The following NARF variants were observed in gnomAD, a reference collection of about 807,000 sequenced individuals.
The protein encoded by NARF is iron-only hydrogenase-like protein 2.
A neutral mutation model predicts 48.0 loss-of-function variants in NARF; 41 were observed. The ratio of observed to expected loss-of-function variants is 0.85; its 90% confidence interval spans 0.66 to 1.11. NARF has a LOEUF of 1.11. Among genes scored for constraint, NARF ranks in the 50% least tolerant of loss-of-function variants. The pLI is 0.00. For synonymous variants in NARF, 215 were observed against 225.5 expected, an observed-to-expected ratio of 0.95 and a Z score of 0.42; for missense variants, 613 against 590.2, an observed-to-expected ratio of 1.04 and a Z score of -0.40.
At chr17:82,472,821 G>A (rs2043744024) in intron 5 of NARF, 123 bp downstream of exon 5, 1 of 1,257,356 alleles carries the variant, frequency 8.0e-7, no homozygotes, top group East Asian at 2.7e-5. Context: ...TAGACCAGGA[G>A]GGAAGAGCTT....
rs141417250 is a variant in NARF, at chr17:82,473,122, G to A, written c.520+424G>A. 2.0e-3 allele frequency among the ~76,000 whole-genome samples: 300 copies of A among 151,814 alleles called. 3 individuals are homozygous for A. Among genetic ancestry groups the A allele is most frequent in the African/African-American group, 7.1e-3 (292 of 41,394 alleles). On this transcript the variant is annotated intron_variant, in intron 5 of 10. Transcript: ENST00000309794. The stretch of plus-strand genomic sequence containing the variant: ...CACCCAACTAATTATTGTATTATTA[G>A]TGGAGATGGGGTTTTGCCATATTGG...
Position 82,489,623 on chromosome 17 carries a change from CA to C in NARF, c.*1467del, listed in dbSNP as rs1177074813. On this transcript the variant is annotated 3_prime_UTR_variant, in exon 11 of 11. Transcript: ENST00000309794. ...GGTTTCTTCTCACACGGCCCTGGCC[CA>C]TCCACTCGCCATGAAGCCCTCTGTG... 1 of 152,362 alleles carries C rather than the reference CA, an allele frequency of 6.6e-6. No homozygotes were observed. The highest frequency in any genetic ancestry group is 1.5e-5 in the Non-Finnish European group (1 of 68,160). 9.4% of individuals were successfully genotyped at this position (152,362 alleles called of 1,614,324 possible). A position where few individuals can be genotyped will look rare whatever the true frequency, so the allele number is the denominator to read the frequency against.
chr17:82,471,100 T>A (rs2043689158), intron 4 of NARF, among the ~76,000 whole-genome samples: 1 of 149,946 alleles, frequency 6.7e-6, no homozygotes, highest in Non-Finnish European at 1.5e-5. Context: ...GAAGCAGAGG[T>A]TTGCGGTGAG....
In NARF at chr17:82,488,142, G is replaced by T; in HGVS notation, c.1356G>T (p.Leu452=). ...GCCAGGAGCGTGGCACACACAGCCTGGACATCAAGTGGTGAAGTCAGGCCA... is the reference window on the plus strand; with the variant it reads ...GCCAGGAGCGTGGCACACACAGCCTTGACATCAAGTGGTGAAGTCAGGCCA... ...YQSQERGTHS[L]DIKW The change falls in exon 11 of 11, where the codon CTG becomes CTT. Residue 452 remains leucine (L), a synonymous_variant. Coordinates refer to ENST00000309794, the MANE Select transcript of NARF (RefSeq NM_012336.4). The T allele has an allele frequency of 6.2e-7, 1 of 1,613,832 alleles. No individual in the cohort carries two copies.
intron 3 of NARF, 30 bp from the exon 4 acceptor site, chr17:82,468,734 A>T: frequency 6.2e-7 from 1 of 1,611,004 alleles, no homozygotes; most frequent in Non-Finnish European, 8.5e-7. Context: ...TAATCAGCAG[A>T]TACCTAACAT....
At chr17:82,471,190 TC>T (rs111533778) in intron 4 of NARF, among the ~76,000 whole-genome samples, 29,104 of 148,696 alleles carry the variant, frequency 0.2, 3,423 homozygotes, top group African/African-American at 0.29. Context: ...GCATGTTGGC[TC>T]ACGCCTGTAA....
chr17:82,469,505 C>T (rs1291092788), intron 4 of NARF, among the ~76,000 whole-genome samples: 11 of 152,332 alleles, frequency 7.2e-5, no homozygotes, highest in South Asian at 4.1e-4. Flanking sequence ...GGGGCTTTTA[C>T]AGCCTTGAGC....
chr17:82,479,555 C>T (rs1053012822), intron 6 of NARF, among the ~76,000 whole-genome samples: 1 of 152,230 alleles, frequency 6.6e-6, no homozygotes, highest in Non-Finnish European at 1.5e-5. Flanking sequence ...CCAAGGCCAC[C>T]CTCAAAGGGA....
In NARF at chr17:82,460,066, T is replaced by C. The variant is rs769346207; in HGVS notation, c.102T>C (p.Asn34=). The C allele has an allele frequency of 6.2e-7, 1 of 1,613,362 alleles. No homozygotes were observed. Among genetic ancestry groups the C allele is most frequent in the African/African-American group, 1.3e-5 (1 of 74,942 alleles). ...ATGCACCGAGTCCAGCCCAGGAAAA[T>C]GGAGAGGCAAGTAGATTTTTCAGTT... The part of the protein sequence containing the change: ...SADAPSPAQE[N]GEKGEFHKLA... The change falls in exon 2 of 11, where the codon AAT becomes AAC. Residue 34 remains asparagine, a synonymous_variant. Coordinates refer to ENST00000309794, the MANE Select transcript of NARF (RefSeq NM_012336.4).
intron 5 of NARF, among the ~76,000 whole-genome samples, chr17:82,475,604 T>C (rs1184913923): frequency 6.6e-6 from 1 of 152,102 alleles, no homozygotes; most frequent in Non-Finnish European, 1.5e-5. Flanking sequence ...ATCATACATA[T>C]ATACTACATA....
chr17:82,459,380 G>T (rs781329284), intron 1 of NARF: 10 of 178,464 alleles, frequency 5.6e-5, no homozygotes, highest in Non-Finnish European at 7.6e-5. Flanking sequence ...TGCGCGTGAC[G>T]CCGTGGCAGG....
intron 5 of NARF, among the ~76,000 whole-genome samples, chr17:82,475,417 G>A (rs980841600): frequency 8.5e-5 from 13 of 152,100 alleles, no homozygotes; most frequent in African/African-American, 2.4e-4. Flanking sequence ...TGGCTAACAC[G>A]GTGAAACCCC....
intron 10 of NARF, among the ~76,000 whole-genome samples, chr17:82,486,144 A>G (rs758264629): frequency 2.6e-5 from 4 of 152,150 alleles, no homozygotes; most frequent in Non-Finnish European, 4.4e-5. Context: ...GGCTGTGATC[A>G]TCCAGGCAAG....
At chr17:82,479,381 T>G (rs1475899383) in intron 6 of NARF, among the ~76,000 whole-genome samples, 1 of 152,228 alleles carries the variant, frequency 6.6e-6, no homozygotes, top group African/African-American at 2.4e-5. Context: ...CATGACTTCC[T>G]TAGCCACTTC....
chr17:82,487,816 C>A, intron 10 of NARF, 100 bp from the exon 11 acceptor site: 2 of 1,250,184 alleles, frequency 1.6e-6, no homozygotes, highest in East Asian at 2.6e-5. Flanking sequence ...TAAAAATCAG[C>A]CGGGCAAGGT....
At chr17:82,473,054 C>T (rs981475885) in intron 5 of NARF, among the ~76,000 whole-genome samples, 14 of 147,652 alleles carry the variant, frequency 9.5e-5, no homozygotes, top group African/African-American at 3.5e-4. Flanking sequence ...GATTCTCCTG[C>T]CTTAGCCTGC....
chr17:82,483,268 A>G, intron 7 of NARF: 1 of 387,646 alleles, frequency 2.6e-6, no homozygotes, highest in Non-Finnish European at 5.1e-6. Flanking sequence ...ACAGCGAGAC[A>G]AGATTGCACC....
At chr17:82,468,331 C>G (rs1387537276) in intron 3 of NARF, among the ~76,000 whole-genome samples, 1 of 150,512 alleles carries the variant, frequency 6.6e-6, no homozygotes, top group Non-Finnish European at 1.5e-5. Context: ...TTTACTGTAG[C>G]CTGGGCAACA....
chr17:82,468,180 A>G (rs1345264376), intron 3 of NARF, among the ~76,000 whole-genome samples: 1 of 152,088 alleles, frequency 6.6e-6, no homozygotes, highest in African/African-American at 2.4e-5. Context: ...GTGTAGTGGC[A>G]GGTCCCTATA....
Sources: allele counts gnomAD v4.1 joint callset (sites outside exome capture counted in the v4.1 genomes callset), GRCh38; gene constraint gnomAD v4.1.1; transcripts MANE v1.5; gene names NCBI Gene and HGNC (gene_info 2026-07-23, HGNC 2026-07-21).